Variants in WDR17 observed in about 807,000 individuals in gnomAD.
WDR17 encodes WD repeat-containing protein 17.
A neutral mutation model predicts 161.7 loss-of-function variants in WDR17; 143 were observed. The ratio of observed to expected loss-of-function variants is 0.88; its 90% CI spans 0.77 to 1.02. WDR17 has a LOEUF of 1.02. Among genes scored for constraint, WDR17 ranks in the 50% least tolerant of loss-of-function variants. The probability of loss-of-function intolerance (pLI) is 0.00; values close to 1 mark genes in which losing one functional copy is unlikely to be tolerated. For synonymous variants in WDR17, 517 were observed against 515.6 expected, an observed-to-expected ratio of 1.00 and a Z score of -0.04; for missense variants, 1,469 against 1,520.9, an observed-to-expected ratio of 0.97 and a Z score of 0.57.
chr4:176,151,106 A>G (rs1189332483), intron 16 of WDR17, among the ~76,000 whole-genome samples: 2 of 151,802 alleles, frequency 1.3e-5, no homozygotes, highest in African/African-American at 4.9e-5. Flanking sequence ...GAGCATGGAG[A>G]CAGTTGTGCC....
intron 17 of WDR17, among the ~76,000 whole-genome samples, chr4:176,153,248 A>C (rs942406687): frequency 5.3e-5 from 8 of 152,240 alleles, no homozygotes; most frequent in Admixed American, 5.2e-4. Flanking sequence ...ATTTGTTCAC[A>C]GTAGAATCCG....
At chr4:176,128,002 TG>T (rs1229702939) in intron 5 of WDR17, among the ~76,000 whole-genome samples, 2 of 152,232 alleles carry the variant, frequency 1.3e-5, no homozygotes, top group African/African-American at 4.8e-5. Context: ...TTTTTATGGC[TG>T]AATAATATGT....
intron 1 of WDR17, among the ~76,000 whole-genome samples, chr4:176,068,647 G>A (rs866086635): frequency 1.1e-4 from 16 of 152,038 alleles, no homozygotes; most frequent in African/African-American, 3.6e-4. Context: ...TATTGGAAGG[G>A]ATTTTTTATT....
intron 1 of WDR17, among the ~76,000 whole-genome samples, chr4:176,103,977 A>G (rs1231191332): frequency 6.6e-6 from 1 of 152,172 alleles, no homozygotes; most frequent in Non-Finnish European, 1.5e-5. Context: ...ATCATAATCA[A>G]ATCTTGAAAA....
intron 4 of WDR17, among the ~76,000 whole-genome samples, chr4:176,122,859 C>T (rs192718605): frequency 1.7e-3 from 251 of 150,988 alleles, no homozygotes; most frequent in Non-Finnish European, 2.5e-3. Context: ...TTAAACTGTG[C>T]TTTCTATGTT....
chr4:176,095,696 G>A (rs55836882), intron 1 of WDR17, among the ~76,000 whole-genome samples: 7,595 of 149,116 alleles, frequency 0.051, 402 homozygotes, highest in African/African-American at 0.14. Flanking sequence ...TTCTTTCCTC[G>A]CTTCCTACCA....
intron 12 of WDR17, among the ~76,000 whole-genome samples, 155 bp downstream of exon 12, chr4:176,146,314 A>G (rs183723985): frequency 1.3e-5 from 2 of 152,244 alleles, no homozygotes; most frequent in Non-Finnish European, 2.9e-5. Context: ...GTTTACTGCA[A>G]TCTCCACCTC....
intron 3 of WDR17, 44 bp from the exon 4 acceptor site, chr4:176,119,823 T>C (rs1369371196): frequency 6.5e-7 from 1 of 1,533,396 alleles, no homozygotes; most frequent in South Asian, 1.1e-5. Context: ...TGGTGTAATC[T>C]TATGCTGTAT....
intron 22 of WDR17, among the ~76,000 whole-genome samples, chr4:176,167,644 C>CAAAAAAAAAAAAAA (rs34187946): frequency 1.7e-4 from 4 of 23,832 alleles, no homozygotes; most frequent in East Asian, 1.3e-3. Context: ...GACTCCGTCT[C>CAAAAAAAAAAAAAA]AAAAAAAAAA....
At chr4:176,108,626 G>T (rs938865843) in intron 1 of WDR17, among the ~76,000 whole-genome samples, 1 of 152,150 alleles carries the variant, frequency 6.6e-6, no homozygotes, top group South Asian at 2.1e-4. Flanking sequence ...GTGCCATCCG[G>T]TGCTGAGTGT....
chr4:176,118,642 A>G (rs1255628908), intron 3 of WDR17, among the ~76,000 whole-genome samples: 1 of 152,110 alleles, frequency 6.6e-6, no homozygotes, highest in African/African-American at 2.4e-5. Flanking sequence ...TGCTTATTCC[A>G]TGTATTTAAA....
chr4:176,165,561 C>A (rs959049971), intron 22 of WDR17, among the ~76,000 whole-genome samples: 20 of 152,260 alleles, frequency 1.3e-4, no homozygotes, highest in African/African-American at 4.1e-4. Context: ...AGTCAATTAA[C>A]AGATATTTTG....
At chr4:176,081,148 G>A (rs866982457) in intron 1 of WDR17, among the ~76,000 whole-genome samples, 16 of 152,166 alleles carry the variant, frequency 1.1e-4, no homozygotes, top group African/African-American at 3.6e-4. Context: ...CTGTCCCCCA[G>A]AGGCCTTTTC....
intron 17 of WDR17, among the ~76,000 whole-genome samples, chr4:176,152,642 C>T (rs1240337917): frequency 6.7e-6 from 1 of 148,646 alleles, no homozygotes; most frequent in African/African-American, 2.5e-5. Context: ...ATGTAAATAC[C>T]CTGCGTGCTG....
chr4:176,113,208 C>T (rs1044015320), intron 2 of WDR17, among the ~76,000 whole-genome samples: 31 of 152,080 alleles, frequency 2.0e-4, no homozygotes, highest in Non-Finnish European at 3.5e-4. Flanking sequence ...ATCCCACCTA[C>T]ACAATTTCTC....
intron 4 of WDR17, among the ~76,000 whole-genome samples, chr4:176,123,379 A>G (rs1051985202): frequency 6.6e-6 from 1 of 152,138 alleles, no homozygotes; most frequent in African/African-American, 2.4e-5. Context: ...CAATTCTGAC[A>G]CTACCTGGAG....
At chr4:176,072,019 G>A (rs996944893) in intron 1 of WDR17, among the ~76,000 whole-genome samples, 20 of 152,146 alleles carry the variant, frequency 1.3e-4, no homozygotes, top group African/African-American at 4.8e-4. Context: ...AAGTAGAACT[G>A]CCATAATGAC....
At chr4:176,142,480 A>G (rs1041226298) in intron 11 of WDR17, among the ~76,000 whole-genome samples, 1 of 152,152 alleles carries the variant, frequency 6.6e-6, no homozygotes, top group Non-Finnish European at 1.5e-5. Flanking sequence ...TGCCTCTGGC[A>G]CTGGGTAATT....
At chr4:176,071,704 C>G (rs1171587161) in intron 1 of WDR17, among the ~76,000 whole-genome samples, 1 of 152,182 alleles carries the variant, frequency 6.6e-6, no homozygotes, top group African/African-American at 2.4e-5. Flanking sequence ...ATGTGGATTA[C>G]TTCTTTGATC....
Sources: allele counts gnomAD v4.1 joint callset (sites outside exome capture counted in the v4.1 genomes callset), GRCh38; gene constraint gnomAD v4.1.1; transcripts MANE v1.5; gene names NCBI Gene and HGNC (gene_info 2026-07-23, HGNC 2026-07-21).